The following CIRSR variants were observed in gnomAD, a reference collection of about 807,000 sequenced individuals.
CIRSR encodes the protein corepressor of RBPJ and splicing regulator.
chr2:174,381,815 G>T, the CIRSR span: 1 of 1,358,554 alleles, frequency 7.4e-7, no homozygotes, highest in Non-Finnish European at 1.0e-6. Flanking sequence ...TTTTATGTAG[G>T]ACAAAAAAAA....
the CIRSR span, among the ~76,000 whole-genome samples, chr2:174,376,760 C>T: frequency 1.4e-5 from 2 of 138,344 alleles, no homozygotes; most frequent in African/African-American, 2.8e-5. Context: ...ATCGTGCCAC[C>T]ACACTCCAGC....
chr2:174,386,707 A>C, the CIRSR span, among the ~76,000 whole-genome samples: 10 of 152,344 alleles, frequency 6.6e-5, no homozygotes, highest in East Asian at 1.9e-3. Flanking sequence ...AACGGCGCTC[A>C]GTTGAGAACC....
chr2:174,355,696 TACTC>T, the CIRSR span, among the ~76,000 whole-genome samples: 3 of 152,342 alleles, frequency 2.0e-5, no homozygotes, highest in South Asian at 4.1e-4. Context: ...GCGCTTAATC[TACTC>T]ACTAAGAGTA....
chr2:174,348,338 T>C, the CIRSR span: 1 of 1,175,608 alleles, frequency 8.5e-7, no homozygotes, highest in East Asian at 2.6e-5. Flanking sequence ...GTTTTGTACT[T>C]GAATTGACAG....
At chr2:174,354,591 CAT>C in the CIRSR span, among the ~76,000 whole-genome samples, 1 of 9,168 alleles carries the variant, frequency 1.1e-4, no homozygotes. Flanking sequence ...TTATATATAT[CAT>C]ATAATATATA....
chr2:174,376,798 A>G, the CIRSR span, among the ~76,000 whole-genome samples: 3 of 119,600 alleles, frequency 2.5e-5, no homozygotes, highest in African/African-American at 9.0e-5. Context: ...ACTCTGTCTC[A>G]GGGAAAAAAA....
the CIRSR span, among the ~76,000 whole-genome samples, chr2:174,374,429 A>T: frequency 7.9e-5 from 12 of 152,224 alleles, no homozygotes; most frequent in Admixed American, 6.5e-4. Context: ...TAGATTGTAA[A>T]TCAGGGGTTG....
chr2:174,351,587 C>G, the CIRSR span: 1 of 1,541,556 alleles, frequency 6.5e-7, no homozygotes, highest in Non-Finnish European at 9.0e-7. Context: ...GATTTATAGA[C>G]ATTTTCAGCT....
the CIRSR span, among the ~76,000 whole-genome samples, chr2:174,383,669 G>A: frequency 5.1e-4 from 74 of 145,278 alleles, no homozygotes; most frequent in African/African-American, 1.6e-3. Flanking sequence ...GGAGTGAGCC[G>A]AGATCGCACC....
chr2:174,370,697 G>C, the CIRSR span, among the ~76,000 whole-genome samples: 3 of 152,256 alleles, frequency 2.0e-5, no homozygotes, highest in Non-Finnish European at 4.4e-5. Context: ...GGCGGATCAC[G>C]AGGTCAGGAG....
chr2:174,352,055 C>T, the CIRSR span: 1 of 174,734 alleles, frequency 5.7e-6, no homozygotes, highest in Non-Finnish European at 1.2e-5. Flanking sequence ...TACAATTAAA[C>T]TTTTAGTAGT....
At chr2:174,383,771 G>A in the CIRSR span, among the ~76,000 whole-genome samples, 48 of 148,398 alleles carry the variant, frequency 3.2e-4, no homozygotes, top group Non-Finnish European at 5.1e-4. Context: ...AGCCAAGCTC[G>A]GTATCACTAG....
At chr2:174,380,743 A>G in the CIRSR span, 5 of 1,609,074 alleles carry the variant, frequency 3.1e-6, no homozygotes, top group Non-Finnish European at 4.2e-6. Context: ...AAATTCTTTT[A>G]ATTTTTCCAT....
At chr2:174,354,476 ATATATAT>A in the CIRSR span, among the ~76,000 whole-genome samples, 1 of 87,890 alleles carries the variant, frequency 1.1e-5, no homozygotes, top group African/African-American at 4.6e-5. Flanking sequence ...AATATATATA[ATATATAT>A]TATATTATAT....
the CIRSR span, chr2:174,352,006 TTTAG>T: frequency 4.1e-6 from 1 of 245,622 alleles, no homozygotes; most frequent in East Asian, 7.9e-5. Context: ...GTTGGCAGTT[TTTAG>T]TATAAAATCA....
chr2:174,370,110 T>C, the CIRSR span: 2 of 1,311,294 alleles, frequency 1.5e-6, no homozygotes, highest in South Asian at 2.5e-5. Context: ...GGTGTAGAGC[T>C]GAGTTCAACG....
chr2:174,373,488 C>T, the CIRSR span, among the ~76,000 whole-genome samples: 3 of 152,166 alleles, frequency 2.0e-5, no homozygotes, highest in East Asian at 1.9e-4. Flanking sequence ...TTTGAAAAGC[C>T]TAAATTTTAA....
chr2:174,365,114 G>C, the CIRSR span, among the ~76,000 whole-genome samples: 1 of 152,096 alleles, frequency 6.6e-6, no homozygotes, highest in Admixed American at 6.6e-5. Context: ...CTGCTGCTTA[G>C]AAATTTCTTC....
the CIRSR span, among the ~76,000 whole-genome samples, chr2:174,361,457 G>T: frequency 6.6e-6 from 1 of 152,180 alleles, no homozygotes; most frequent in African/African-American, 2.4e-5. Flanking sequence ...CAAATATTAT[G>T]ATCAGACAAT....
Sources: gnomAD v4.1 joint callset for allele counts (sites outside exome capture counted in the v4.1 genomes callset) on GRCh38, gnomAD v4.1.1 for gene constraint, MANE v1.5 for transcripts, NCBI Gene and HGNC (gene_info 2026-07-23, HGNC 2026-07-21) for gene names.